Variants in FAM186B observed in about 807,000 individuals in gnomAD.
The protein encoded by FAM186B is family with sequence similarity 186 member B.
A neutral mutation model predicts 83.4 loss-of-function variants in FAM186B; 68 were observed. The observed-to-expected ratio is 0.81, with a 90% CI of 0.67 to 1.00. The LOEUF (loss-of-function observed/expected upper bound fraction) is 1.00. Among genes scored for constraint, FAM186B ranks in the 50% least tolerant of loss-of-function variants. The pLI is 0.00. For synonymous variants in FAM186B, 389 were observed against 422.0 expected (o/e 0.92, Z 0.96); for missense variants, 983 against 1,099.2 (o/e 0.89, Z 1.49).
At chr12:49,591,940 G>C (rs1449532280) in intron 5 of FAM186B, among the ~76,000 whole-genome samples, 1 of 152,278 alleles carries the variant, frequency 6.6e-6, no homozygotes. Flanking sequence ...GTTCAGCACA[G>C]ACACAACCAT....
At chr12:49,595,674 C>G (rs1939699898) in intron 5 of FAM186B, 3 of 408,724 alleles carry the variant, frequency 7.3e-6, no homozygotes, top group South Asian at 3.9e-5. Context: ...GAAGGCTCCA[C>G]TAGTTCTTAA....
At chr12:49,618,815 C>T in the FAM186B span, among the ~76,000 whole-genome samples, 1 of 151,924 alleles carries the variant, frequency 6.6e-6, no homozygotes, top group Non-Finnish European at 1.5e-5. Flanking sequence ...AATAGGAGTT[C>T]CAAAAAGGAA....
intron 3 of FAM186B, among the ~76,000 whole-genome samples, chr12:49,601,926 G>A (rs572390868): frequency 8.5e-5 from 13 of 152,274 alleles, no homozygotes; most frequent in Middle Eastern, 6.8e-3. Context: ...AAAATTAAGG[G>A]ATACTGAAGT....
chr12:49,618,430 G>A, the FAM186B span, among the ~76,000 whole-genome samples: 1 of 151,594 alleles, frequency 6.6e-6, no homozygotes, highest in Admixed American at 6.6e-5. Context: ...GCTTTTAGGT[G>A]ACCCATCCTT....
rs530564733 is a variant in FAM186B at position 49,595,499 on chromosome 12, C to T, written c.2364+3256G>A. 1.2e-4 allele frequency: 58 copies of T among 467,376 alleles called. 1 individual carries two copies. The highest frequency in any genetic ancestry group is 1.0e-3 in the African/African-American group (51 of 50,328). The allele number at this position is 467,376 out of a possible 1,614,324, so 29.0% of individuals were successfully genotyped here. A position where few individuals can be genotyped will look rare whatever the true frequency, so the allele number is the denominator to read the frequency against. On this transcript the variant is annotated intron_variant, in intron 5 of 6. Coordinates refer to ENST00000257894, the MANE Select transcript of FAM186B (RefSeq NM_032130.3). Reference sequence around the variant, plus strand: ...TTTGGAAGTAAAGTTACAACACTCCCGCTTGCTAAGGACAAAATGATGAAT... The same window carrying T: ...TTTGGAAGTAAAGTTACAACACTCCTGCTTGCTAAGGACAAAATGATGAAT...
chr12:49,592,389 T>C (rs1220090258), intron 5 of FAM186B, among the ~76,000 whole-genome samples: 1 of 152,126 alleles, frequency 6.6e-6, no homozygotes, highest in African/African-American at 2.4e-5. Flanking sequence ...GGAGAATCTC[T>C]TGAACCTGGG....
At chr12:49,598,650 C>G in intron 5 of FAM186B, 105 bp downstream of exon 5, 1 of 1,023,990 alleles carries the variant, frequency 9.8e-7, no homozygotes, top group Non-Finnish European at 1.4e-6. Flanking sequence ...CCCCTGGTCC[C>G]GCAGTCTCAG....
In FAM186B at chr12:49,605,518, G is replaced by A. The variant is rs1193010119; in HGVS notation, c.-41C>T. ...CAGTCACAAAACATCCTGTGTTTCTGGTCCACAGGCCTGGACACACAATGT... is the reference window on the plus strand; with the variant it reads ...CAGTCACAAAACATCCTGTGTTTCTAGTCCACAGGCCTGGACACACAATGT... On this transcript the variant is annotated 5_prime_UTR_variant, in exon 1 of 7. Transcript: ENST00000257894. 6.3e-7 allele frequency: 1 copy of A among 1,594,792 alleles called. No homozygotes were observed. Among genetic ancestry groups the A allele is most frequent in the Non-Finnish European group, 8.6e-7 (1 of 1,169,502 alleles).
chr12:49,615,005 G>T, the FAM186B span, among the ~76,000 whole-genome samples: 1 of 152,224 alleles, frequency 6.6e-6, no homozygotes, highest in African/African-American at 2.4e-5. Context: ...GCGGGTACCT[G>T]TAGTCCCAGC....
At chr12:49,595,562 A>G in intron 5 of FAM186B, 1 of 443,342 alleles carries the variant, frequency 2.3e-6, no homozygotes. Context: ...CGTGTGGAAA[A>G]GGACGGCCTG....
chr12:49,604,516 T>C lies in FAM186B; in HGVS notation c.119A>G (p.Asp40Gly), dbSNP rs1314063679. The C allele has an allele frequency of 6.2e-7, 1 of 1,614,094 alleles. No homozygotes were observed. Among genetic ancestry groups the C allele is most frequent in the Non-Finnish European group, 8.5e-7 (1 of 1,180,030 alleles). ...AQEDISTQLS[D>G]ILDNVNCVIN... ...GACACAATTGACATTGTCCAAAATG[T>C]CTGAGAGCTGGGTAGAAATATCCTA... The change falls in exon 2 of 7, where the codon GAC becomes GGC. Residue 40 changes from aspartate (D) to glycine (G), a missense_variant. Transcript: ENST00000257894.
the FAM186B span, among the ~76,000 whole-genome samples, chr12:49,613,851 G>A: frequency 2.8e-5 from 4 of 144,934 alleles, no homozygotes; most frequent in African/African-American, 5.2e-5. Flanking sequence ...AAACAAAAAC[G>A]AACAAAATAA....
chr12:49,601,633 T>A (rs1469675483), intron 3 of FAM186B, among the ~76,000 whole-genome samples: 5 of 151,914 alleles, frequency 3.3e-5, no homozygotes, highest in Non-Finnish European at 2.9e-5. Flanking sequence ...TTTTTTTTTT[T>A]AATAACTAAT....
chr12:49,621,675 G>A, the FAM186B span, among the ~76,000 whole-genome samples: 1 of 152,234 alleles, frequency 6.6e-6, no homozygotes, highest in African/African-American at 2.4e-5. Flanking sequence ...AAAAATAAAA[G>A]TTTGTGCAGG....
chr12:49,604,387 A>G lies in FAM186B; in HGVS notation c.248T>C (p.Ile83Thr), dbSNP rs1939965531. The G allele has an allele frequency of 3.1e-6, 5 of 1,614,124 alleles. No individual in the cohort carries two copies. The highest frequency in any genetic ancestry group is 4.2e-6 in the Non-Finnish European group (5 of 1,180,022). ...CATAGCATCTTTGGAGAAGGAGGCA[A>G]TTTTTTCCAGCAAGATGAATCTCTT... The part of the protein sequence containing the change: ...GKKRFILLEK[I>T]ASFSKDAMMK... Residue 83 changes from isoleucine to threonine, a missense_variant, in exon 2 of 7, where the codon ATT (isoleucine) becomes ACT (threonine). Physicochemically the swap from Ile to Thr is moderately conservative, Grantham distance 89 (BLOSUM62 -1). Transcript: ENST00000257894.
downstream of FAM186B, chr12:49,584,359 A>G (rs2138227034): frequency 6.5e-6 from 4 of 619,764 alleles, no homozygotes; most frequent in South Asian, 7.6e-5. Context: ...TCAAAGTTCT[A>G]GGAGTACTCA....
the FAM186B span, among the ~76,000 whole-genome samples, chr12:49,619,768 G>A: frequency 7.0e-6 from 1 of 142,414 alleles, no homozygotes; most frequent in African/African-American, 2.6e-5. Context: ...TCTGCCTCTC[G>A]AGTTCAAGTG....
At chr12:49,587,089 G>A (rs556818726), downstream of FAM186B, among the ~76,000 whole-genome samples, 5 of 152,322 alleles carry the variant, frequency 3.3e-5, 1 homozygote, top group South Asian at 1.0e-3. Flanking sequence ...AGGCAAAGGA[G>A]AGCTAAGACT....
chr12:49,619,663 A>AT, the FAM186B span: 3 of 323,740 alleles, frequency 9.3e-6, no homozygotes, highest in South Asian at 4.2e-5. Flanking sequence ...TTAGTTAGAC[A>AT]TCTCTTTTTT....
Sources: allele counts gnomAD v4.1 joint callset (sites outside exome capture counted in the v4.1 genomes callset), GRCh38; gene constraint gnomAD v4.1.1; transcripts MANE v1.5; gene names NCBI Gene and HGNC (gene_info 2026-07-23, HGNC 2026-07-21).